CPPED1: variants seen among roughly 807,000 people sequenced by gnomAD.
CPPED1 encodes serine/threonine-protein phosphatase CPPED1.
CPPED1 carries 28 observed loss-of-function variants against 28.0 expected under a neutral mutation model. The observed-to-expected ratio is 1.00, with a 90% CI of 0.74 to 1.37. The LOEUF is 1.37. CPPED1 is among the 40% of genes most tolerant of loss of function. The pLI is 0.00. For synonymous variants in CPPED1, 198 were observed against 180.2 expected (o/e 1.10, Z -0.79); for missense variants, 504 against 416.5 (o/e 1.21, Z -1.83).
chr16:12,682,296 A>G lies in CPPED1; in HGVS notation c.716-17181T>C, dbSNP rs1472406476. ...GTGATCGACCCACTTTGGTCTCCCA[A>G]AAGTGCTGAGATTACAGACACGAGC... On this transcript the variant is annotated intron_variant, in intron 3 of 3. Transcript: ENST00000381774. The surrounding 1 kb of genome is among the most constrained non-coding windows in gnomAD (Gnocchi z 6.1). Among the ~76,000 whole-genome samples the G allele has an allele frequency of 6.6e-6, 1 of 152,066 alleles. No individual in the cohort carries two copies. The highest frequency in any genetic ancestry group is 2.4e-5 in the African/African-American group (1 of 41,400).
chr16:12,745,079 A>G (rs1454025889), intron 2 of CPPED1, among the ~76,000 whole-genome samples: 9 of 152,178 alleles, frequency 5.9e-5, no homozygotes, highest in African/African-American at 2.2e-4. Flanking sequence ...TAGAGGGGGA[A>G]AAGAGACAAA....
intron 2 of CPPED1, among the ~76,000 whole-genome samples, chr16:12,780,576 G>A (rs915537592): frequency 3.9e-5 from 6 of 152,026 alleles, no homozygotes; most frequent in Admixed American, 3.3e-4. Context: ...ACTATCTAGA[G>A]AGAGCCTGAA....
At chr16:12,731,244 C>A (rs191179750) in intron 2 of CPPED1, among the ~76,000 whole-genome samples, 3 of 151,754 alleles carry the variant, frequency 2.0e-5, no homozygotes, top group East Asian at 1.9e-4. Flanking sequence ...AGCTCCACCC[C>A]CCGGGTTCAT....
intron 2 of CPPED1, among the ~76,000 whole-genome samples, chr16:12,719,431 C>A (rs1596458984): frequency 6.6e-6 from 1 of 152,048 alleles, no homozygotes; most frequent in Non-Finnish European, 1.5e-5. Context: ...AAACCGCCCC[C>A]ATGATTCAAT....
intron 2 of CPPED1, among the ~76,000 whole-genome samples, chr16:12,775,675 C>A (rs1334196615): frequency 6.6e-6 from 1 of 152,124 alleles, no homozygotes; most frequent in Non-Finnish European, 1.5e-5. Flanking sequence ...TCTAACAGCT[C>A]CATCTGCTGC....
intron 2 of CPPED1, among the ~76,000 whole-genome samples, chr16:12,764,394 G>T (rs1194639899): frequency 6.6e-6 from 1 of 151,950 alleles, no homozygotes; most frequent in Non-Finnish European, 1.5e-5. Flanking sequence ...TGTAGAGAGG[G>T]GTTTCACCAT....
At position 12,729,526 on chromosome 16, in the gene CPPED1, A is replaced by T. The variant is rs116606704; in HGVS notation, c.290-24477T>A. The stretch of plus-strand genomic sequence containing the variant: ...GATGTGGAATCAGAATCGTGTTGTC[A>T]TCTTGTTGGCAATGCAGACTGCAGA... On this transcript the variant is annotated intron_variant, in intron 2 of 3. Transcript: ENST00000381774. Among the ~76,000 whole-genome samples, 770 of 152,292 alleles carry T rather than the reference A, an allele frequency of 5.1e-3. 12 individuals are homozygous for T. Among genetic ancestry groups the T allele is most frequent in the African/African-American group, 0.017 (720 of 41,574 alleles).
intron 3 of CPPED1, among the ~76,000 whole-genome samples, chr16:12,678,055 A>C (rs547132795): frequency 6.6e-6 from 1 of 152,376 alleles, no homozygotes; most frequent in East Asian, 1.9e-4. Flanking sequence ...ATACCATTAA[A>C]AAGAATACAC....
chr16:12,743,955 AAAC>A (rs1352939392), intron 2 of CPPED1, among the ~76,000 whole-genome samples: 4 of 151,952 alleles, frequency 2.6e-5, no homozygotes, highest in Admixed American at 2.0e-4. Context: ...ACCCTGTCTC[AAAC>A]AACAAACAAA....
At chr16:12,710,769 A>C (rs1442444357) in intron 2 of CPPED1, among the ~76,000 whole-genome samples, 1 of 152,232 alleles carries the variant, frequency 6.6e-6, no homozygotes, top group Non-Finnish European at 1.5e-5. Flanking sequence ...AAGAAATGCA[A>C]ATCAAAACCA....
At chr16:12,793,286 C>T (rs2080607392) in intron 1 of CPPED1, among the ~76,000 whole-genome samples, 1 of 152,158 alleles carries the variant, frequency 6.6e-6, no homozygotes. Flanking sequence ...ACAGAGTGGC[C>T]AGTGGGTGGG....
chr16:12,754,201 G>A (rs2080349859), intron 2 of CPPED1, among the ~76,000 whole-genome samples: 1 of 152,196 alleles, frequency 6.6e-6, no homozygotes, highest in South Asian at 2.1e-4. Flanking sequence ...AGGGTTTAGA[G>A]GCTCTGTTTG....
At chr16:12,802,777 G>T (rs983492970) in intron 1 of CPPED1, among the ~76,000 whole-genome samples, 7 of 152,220 alleles carry the variant, frequency 4.6e-5, no homozygotes, top group African/African-American at 1.4e-4. Context: ...GACCCTCAGG[G>T]AAAGAACGGC....
intron 2 of CPPED1, among the ~76,000 whole-genome samples, chr16:12,727,122 G>A (rs975011091): frequency 1.3e-5 from 2 of 152,176 alleles, no homozygotes; most frequent in African/African-American, 2.4e-5. Flanking sequence ...GGAGCCCTGC[G>A]TTGGCCACAT....
At chr16:12,696,106 T>C (rs2079988703) in intron 3 of CPPED1, among the ~76,000 whole-genome samples, 1 of 152,150 alleles carries the variant, frequency 6.6e-6, no homozygotes, top group Non-Finnish European at 1.5e-5. Flanking sequence ...TCTTCCCGCA[T>C]ATCCCAGGAG....
chr16:12,772,978 A>G (rs2080478175), intron 2 of CPPED1, among the ~76,000 whole-genome samples: 1 of 152,232 alleles, frequency 6.6e-6, no homozygotes, highest in South Asian at 2.1e-4. Flanking sequence ...ATTGGGATCA[A>G]TAAAGACCAT....
At chr16:12,747,231 A>C (rs985872962) in intron 2 of CPPED1, among the ~76,000 whole-genome samples, 3 of 151,712 alleles carry the variant, frequency 2.0e-5, no homozygotes, top group Non-Finnish European at 4.4e-5. Flanking sequence ...GGAATATAAG[A>C]CCAGCCTGGG....
chr16:12,679,453 A>G (rs1331777952), intron 3 of CPPED1, among the ~76,000 whole-genome samples: 3 of 152,188 alleles, frequency 2.0e-5, no homozygotes, highest in Non-Finnish European at 4.4e-5. Context: ...GGAGGAGGGA[A>G]ATTTCTTGAA....
At chr16:12,801,961 CA>C (rs1448629950) in intron 1 of CPPED1, among the ~76,000 whole-genome samples, 1 of 152,140 alleles carries the variant, frequency 6.6e-6, no homozygotes, top group Non-Finnish European at 1.5e-5. Flanking sequence ...CCTTGACCTT[CA>C]GGGGTGGGGA....
Sources: allele counts gnomAD v4.1 joint callset (sites outside exome capture counted in the v4.1 genomes callset), GRCh38; gene constraint gnomAD v4.1.1; non-coding constraint Gnocchi (gnomAD v3.1); transcripts MANE v1.5; gene names NCBI Gene and HGNC (gene_info 2026-07-23, HGNC 2026-07-21).